Variants in GFRAL observed in about 807,000 individuals in gnomAD.
The protein encoded by GFRAL is GDNF family receptor alpha like, also known as GDNF family receptor alpha-like.
GFRAL carries 36 observed loss-of-function variants against 45.4 expected under a neutral mutation model. That is an observed-to-expected ratio of 0.79 (90% CI 0.61 to 1.05). The LOEUF (loss-of-function observed/expected upper bound fraction) is 1.05, where lower values mean the gene tolerates loss of function less well. Among genes scored for constraint, GFRAL ranks in the 50% least tolerant of loss-of-function variants. The pLI, the probability that GFRAL is intolerant of heterozygous loss-of-function variation, is 0.00. For missense variants in GFRAL, 507 were observed against 467.5 expected, an observed-to-expected ratio of 1.08 and a Z score of -0.78; for synonymous variants, 166 against 154.1, an observed-to-expected ratio of 1.08 and a Z score of -0.57.
chr6:55,381,785 G>A (rs1001243347), intron 6 of GFRAL, among the ~76,000 whole-genome samples: 1 of 151,728 alleles, frequency 6.6e-6, no homozygotes, highest in Non-Finnish European at 1.5e-5. Context: ...AAAACACTGA[G>A]CTAAGTGAAT....
At chr6:55,357,123 T>C (rs1415443384) in intron 5 of GFRAL, among the ~76,000 whole-genome samples, 2 of 151,928 alleles carry the variant, frequency 1.3e-5, no homozygotes, top group African/African-American at 2.4e-5. Context: ...TGGGTTACCA[T>C]TGACAACGAT....
intron 6 of GFRAL, among the ~76,000 whole-genome samples, chr6:55,390,899 C>T (rs3916661): frequency 0.15 from 21,598 of 145,616 alleles, 2,155 homozygotes; most frequent in African/African-American, 0.3. Context: ...CACACATACA[C>T]ACACACACAC....
At chr6:55,350,659 C>T (rs1396466326) in intron 4 of GFRAL, among the ~76,000 whole-genome samples, 1 of 152,066 alleles carries the variant, frequency 6.6e-6, no homozygotes, top group Non-Finnish European at 1.5e-5. Flanking sequence ...TGGGATCATG[C>T]CACTATACAA....
At chr6:55,387,121 G>A (rs1490365725) in intron 6 of GFRAL, among the ~76,000 whole-genome samples, 2 of 152,096 alleles carry the variant, frequency 1.3e-5, no homozygotes, top group African/African-American at 4.8e-5. Context: ...AGATTAAAGA[G>A]TTGCCATTGA....
rs1294555707 is a variant in GFRAL, at chr6:55,350,105, GGA to G, written c.331_332del (p.Asp111Ter). 1.3e-6 allele frequency: 2 copies of G among 1,535,904 alleles called. No individual in the cohort carries two copies. Among genetic ancestry groups the G allele is most frequent in the Non-Finnish European group, 1.8e-6 (2 of 1,110,948 alleles). On this transcript the variant is annotated frameshift_variant, in exon 4 of 9. Coordinates refer to ENST00000340465, the MANE Select transcript of GFRAL (RefSeq NM_207410.2). LOFTEE classifies it high-confidence loss of function. ...CINKSDNVKE[D>X]KFKWNLTTRS... ...TTTTCCTTCTAGATAACGTGAAAGAGGATAAATTCAAATGGAATCTAACTACA... is the reference window on the plus strand; with the variant it reads ...TTTTCCTTCTAGATAACGTGAAAGAGTAAATTCAAATGGAATCTAACTACA...
At chr6:55,360,862 AC>A (rs1168212246) in intron 6 of GFRAL, among the ~76,000 whole-genome samples, 1 of 151,960 alleles carries the variant, frequency 6.6e-6, no homozygotes, top group African/African-American at 2.4e-5. Flanking sequence ...TTCTAATATT[AC>A]AAGGTATGAA....
chr6:55,341,505 C>T (rs1767964863), intron 3 of GFRAL, among the ~76,000 whole-genome samples: 1 of 152,154 alleles, frequency 6.6e-6, no homozygotes, highest in African/African-American at 2.4e-5. Flanking sequence ...AGGACATCCA[C>T]ACCAAAACCC....
At chr6:55,331,377 G>A (rs4715529) in intron 1 of GFRAL, among the ~76,000 whole-genome samples, 73,736 of 151,806 alleles carry the variant, frequency 0.49, 19,305 homozygotes, top group Non-Finnish European at 0.61. Flanking sequence ...TCAATGGTGA[G>A]ATAAAGTTTA....
In GFRAL at chr6:55,359,129, T is replaced by A. The variant is rs751075001; in HGVS notation, c.943T>A (p.Ser315Thr). The A allele has an allele frequency of 1.9e-6, 3 of 1,609,672 alleles. No homozygotes were observed. Among genetic ancestry groups the A allele is most frequent in the Middle Eastern group, 1.7e-4 (1 of 5,888 alleles). ...TTTCCAGCACATGCTTCATAGAAAA[T>A]CATGTTTCAGTAAGTTCCCCAAATA... is the stretch of plus-strand genomic sequence containing the variant. ...KIFQHMLHRKSCFNYPTLSNV... is the reference protein window; with the variant it reads ...KIFQHMLHRKTCFNYPTLSNV... Residue 315 changes from serine to threonine, a missense_variant, in exon 6 of 9, where the codon TCA (serine) becomes ACA (threonine). Coordinates refer to ENST00000340465, the MANE Select transcript of GFRAL (RefSeq NM_207410.2).
At chr6:55,375,984 G>C (rs953590238) in intron 6 of GFRAL, among the ~76,000 whole-genome samples, 5 of 152,072 alleles carry the variant, frequency 3.3e-5, no homozygotes, top group African/African-American at 1.2e-4. Flanking sequence ...GTATAATATT[G>C]GTTGTGGATT....
At chr6:55,334,108 A>C (rs747353255) in intron 3 of GFRAL, among the ~76,000 whole-genome samples, 164 bp downstream of exon 3, 75 of 152,028 alleles carry the variant, frequency 4.9e-4, no homozygotes, top group Non-Finnish European at 9.4e-4. Flanking sequence ...AGGTGTATCT[A>C]TTTGAGGGGT....
At chr6:55,372,605 G>A (rs1423222400) in intron 6 of GFRAL, among the ~76,000 whole-genome samples, 1 of 152,086 alleles carries the variant, frequency 6.6e-6, no homozygotes, top group Non-Finnish European at 1.5e-5. Flanking sequence ...AATAAAAAAT[G>A]TGGTTTGCCT....
intron 5 of GFRAL, among the ~76,000 whole-genome samples, chr6:55,357,251 TTCTGTCTGAATGA>T (rs1278489091): frequency 6.6e-6 from 1 of 151,918 alleles, no homozygotes; most frequent in Non-Finnish European, 1.5e-5. Context: ...TTTGTTGATT[TTCTGTCTGAATGA>T]TCTGTCCAAT....
At chr6:55,348,428 A>G (rs1376677720) in intron 3 of GFRAL, among the ~76,000 whole-genome samples, 1 of 152,158 alleles carries the variant, frequency 6.6e-6, no homozygotes, top group Non-Finnish European at 1.5e-5. Flanking sequence ...TAGTAAGTAA[A>G]TTAGGCTGCT....
intron 6 of GFRAL, among the ~76,000 whole-genome samples, chr6:55,373,688 A>T (rs910079007): frequency 2.0e-5 from 3 of 152,078 alleles, no homozygotes; most frequent in Non-Finnish European, 2.9e-5. Flanking sequence ...GAATCAATTT[A>T]TTTAACTTAG....
intron 6 of GFRAL, among the ~76,000 whole-genome samples, chr6:55,369,081 A>G (rs1261351205): frequency 6.6e-6 from 1 of 151,138 alleles, no homozygotes; most frequent in Non-Finnish European, 1.5e-5. Flanking sequence ...CTGCTGTGCT[A>G]GCAATCAGCG....
chr6:55,375,798 C>T (rs575235660), intron 6 of GFRAL, among the ~76,000 whole-genome samples: 1 of 152,186 alleles, frequency 6.6e-6, no homozygotes, highest in South Asian at 2.1e-4. Context: ...AGGATCATGT[C>T]TTCTACAAAG....
At chr6:55,349,372 C>T (rs915477421) in intron 3 of GFRAL, among the ~76,000 whole-genome samples, 6 of 151,988 alleles carry the variant, frequency 3.9e-5, no homozygotes, top group African/African-American at 1.4e-4. Context: ...AAATGAAAAT[C>T]TTATCATCTG....
At chr6:55,344,779 T>A (rs1388746829) in intron 3 of GFRAL, among the ~76,000 whole-genome samples, 2 of 152,204 alleles carry the variant, frequency 1.3e-5, no homozygotes, top group African/African-American at 4.8e-5. Context: ...CATGACTGTA[T>A]ATTTAGAAAA....
Sources: allele counts gnomAD v4.1 joint callset (sites outside exome capture counted in the v4.1 genomes callset), GRCh38; gene constraint gnomAD v4.1.1; transcripts MANE v1.5; gene names NCBI Gene and HGNC (gene_info 2026-07-23, HGNC 2026-07-21).